The following CPPED1 variants were observed in gnomAD, a reference collection of about 807,000 sequenced individuals.
CPPED1 encodes the protein serine/threonine-protein phosphatase CPPED1.
Under a neutral mutation model 28.0 loss-of-function variants are expected in CPPED1, and 28 were observed. The ratio of observed to expected loss-of-function variants is 1.00; its 90% CI spans 0.74 to 1.37. The LOEUF (loss-of-function observed/expected upper bound fraction) is 1.37, where lower values mean the gene tolerates loss of function less well. CPPED1 is among the 40% of genes most tolerant of loss of function. The pLI is 0.00. For missense variants in CPPED1, 504 were observed against 416.5 expected (o/e 1.21, Z -1.83); for synonymous variants, 198 against 180.2 (o/e 1.10, Z -0.79).
chr16:12,678,147 C>T (rs1033566954), intron 3 of CPPED1, among the ~76,000 whole-genome samples: 2 of 152,140 alleles, frequency 1.3e-5, no homozygotes, highest in African/African-American at 4.8e-5. Flanking sequence ...AATCAAAAAA[C>T]AGTGACAACA....
At chr16:12,769,412 G>A (rs2080457443) in intron 2 of CPPED1, among the ~76,000 whole-genome samples, 1 of 152,128 alleles carries the variant, frequency 6.6e-6, no homozygotes, top group Non-Finnish European at 1.5e-5. Context: ...GGCACAAAAT[G>A]GGTTAAGACG....
At chr16:12,748,498 G>A (rs565065390) in intron 2 of CPPED1, among the ~76,000 whole-genome samples, 6 of 152,266 alleles carry the variant, frequency 3.9e-5, no homozygotes, top group African/African-American at 9.6e-5. Context: ...TCCAGGCCAC[G>A]ACAATAAAGT....
rs1239130995 is a variant in CPPED1 at position 12,664,987 on chromosome 16, C to T, written c.844G>A (p.Val282Met). Residue 282 changes from valine (V) to methionine (M), a missense_variant, in exon 4 of 4, where the codon GTG becomes ATG. Coordinates refer to ENST00000381774, the MANE Select transcript of CPPED1 (RefSeq NM_018340.3). This position sits in a 1 kb window ranked among gnomAD's most constrained non-coding sequence, Gnocchi z 4.2. ...GRDPHGLRVV[V>M]VTAEKIVHRY... Reference sequence around the variant, plus strand: ...TGAACAATTTTCTCGGCGGTGACCACCACGACTCGGAGCCCGTGGGGGTCT... The same window carrying T: ...TGAACAATTTTCTCGGCGGTGACCATCACGACTCGGAGCCCGTGGGGGTCT... 2 of 1,611,696 alleles carry T rather than the reference C, an allele frequency of 1.2e-6. No homozygotes were observed. The highest frequency in any genetic ancestry group is 2.2e-5 in the East Asian group (1 of 44,822).
chr16:12,696,917 G>C (rs2079993991), intron 3 of CPPED1, among the ~76,000 whole-genome samples: 1 of 152,050 alleles, frequency 6.6e-6, no homozygotes, highest in Admixed American at 6.6e-5. Flanking sequence ...CCATGTTATA[G>C]GACCCCCTGC....
intron 2 of CPPED1, among the ~76,000 whole-genome samples, chr16:12,767,643 C>A (rs561344494): frequency 5.9e-5 from 9 of 152,196 alleles, no homozygotes; most frequent in Non-Finnish European, 1.3e-4. Flanking sequence ...GAGCTCACAC[C>A]CAGGTAAAGA....
intron 1 of CPPED1, among the ~76,000 whole-genome samples, chr16:12,794,336 T>C (rs1423096645): frequency 6.6e-6 from 1 of 151,656 alleles, no homozygotes; most frequent in Admixed American, 6.6e-5. Flanking sequence ...CACTGTTGAA[T>C]CAGAAAGAAG....
intron 1 of CPPED1, among the ~76,000 whole-genome samples, chr16:12,798,132 A>T (rs1240914795): frequency 1.3e-5 from 2 of 151,970 alleles, no homozygotes; most frequent in Non-Finnish European, 2.9e-5. Context: ...AAAATGAAAA[A>T]CCCCGACATT....
intron 3 of CPPED1, among the ~76,000 whole-genome samples, chr16:12,668,204 T>C (rs1272147243): frequency 2.0e-5 from 3 of 152,276 alleles, no homozygotes; most frequent in South Asian, 2.1e-4. Context: ...ACTGAATGAA[T>C]TGCTTCAGCA....
At position 12,682,464 on chromosome 16, in the gene CPPED1, G is replaced by C. The variant is rs1024880767; in HGVS notation, c.716-17349C>G. ...TGTATTTTTTTAATACTAATATTTG[G>C]TTGTCAGAAAAGCAGTGGCAGCCTG... On this transcript the variant is annotated intron_variant, in intron 3 of 3. Coordinates refer to ENST00000381774, the MANE Select transcript of CPPED1 (RefSeq NM_018340.3). The surrounding 1 kb of genome is among the most constrained non-coding windows in gnomAD (Gnocchi z 6.1). Among the ~76,000 whole-genome samples, 1 of 152,084 alleles carries C rather than the reference G, an allele frequency of 6.6e-6. No homozygotes were observed. Among genetic ancestry groups the C allele is most frequent in the African/African-American group, 2.4e-5 (1 of 41,390 alleles).
In CPPED1 at chr16:12,734,458, C is replaced by A. The variant is rs149062010; in HGVS notation, c.290-29409G>T. 6.8e-3 allele frequency among the ~76,000 whole-genome samples: 1,037 copies of A among 152,106 alleles called. 58 individuals carry two copies. The East Asian group carries it at 0.13, about 20-fold the overall frequency. On this transcript the variant is annotated intron_variant, in intron 2 of 3. Transcript: ENST00000381774. ...GCAGTGGTGCTATCTCAGCTCACTG[C>A]AAGCTCCGCCTCCTGGGTTCACACC... is the stretch of plus-strand genomic sequence containing the variant.
At chr16:12,754,910 C>CTG (rs2141221596) in intron 2 of CPPED1, among the ~76,000 whole-genome samples, 1 of 152,192 alleles carries the variant, frequency 6.6e-6, no homozygotes, top group South Asian at 2.1e-4. Context: ...TATTCAGGAG[C>CTG]TGAGGTGGGA....
At chr16:12,765,049 T>A (rs1390549199) in intron 2 of CPPED1, among the ~76,000 whole-genome samples, 1 of 152,242 alleles carries the variant, frequency 6.6e-6, no homozygotes, top group Non-Finnish European at 1.5e-5. Context: ...CTGGGAACAC[T>A]GTGACCTAAG....
intron 1 of CPPED1, among the ~76,000 whole-genome samples, chr16:12,792,791 G>C (rs557543808): frequency 1.3e-5 from 2 of 152,260 alleles, no homozygotes; most frequent in South Asian, 4.2e-4. Context: ...TGTAAGACAT[G>C]CCTTTGCTCT....
At chr16:12,761,276 C>CAAAAAAAAAAA (rs55848318) in intron 2 of CPPED1, 1 of 69,378 alleles carries the variant, frequency 1.4e-5, no homozygotes, top group Non-Finnish European at 3.0e-5. Flanking sequence ...GACTCTGTCT[C>CAAAAAAAAAAA]AAAAAAAAAA....
chr16:12,727,509 C>T (rs2080176392), intron 2 of CPPED1, among the ~76,000 whole-genome samples: 1 of 152,132 alleles, frequency 6.6e-6, no homozygotes, highest in South Asian at 2.1e-4. Flanking sequence ...TATACCACCA[C>T]ATCTGGCTAA....
At chr16:12,716,162 C>T (rs2080106045) in intron 2 of CPPED1, among the ~76,000 whole-genome samples, 1 of 152,216 alleles carries the variant, frequency 6.6e-6, no homozygotes, top group African/African-American at 2.4e-5. Context: ...TTGTGAATGT[C>T]ACTGGACATG....
intron 3 of CPPED1, among the ~76,000 whole-genome samples, chr16:12,689,312 G>A (rs933016393): frequency 7.1e-6 from 1 of 141,558 alleles, no homozygotes; most frequent in East Asian, 2.1e-4. Context: ...TTGCAACCTC[G>A]AATTTATGGG....
At chr16:12,740,479 G>A (rs563887767) in intron 2 of CPPED1, among the ~76,000 whole-genome samples, 6 of 151,038 alleles carry the variant, frequency 4.0e-5, no homozygotes, top group East Asian at 3.9e-4. Flanking sequence ...TTAAAAACCC[G>A]TAGCCAAAAG....
chr16:12,780,996 C>T (rs759378212), intron 2 of CPPED1, 189 bp downstream of exon 2: 31 of 595,760 alleles, frequency 5.2e-5, no homozygotes, highest in Non-Finnish European at 8.6e-5. Context: ...TGATTAATCT[C>T]GCCAAACTCT....
Sources: allele counts gnomAD v4.1 joint callset (sites outside exome capture counted in the v4.1 genomes callset), GRCh38; gene constraint gnomAD v4.1.1; non-coding constraint Gnocchi (gnomAD v3.1); transcripts MANE v1.5; gene names NCBI Gene and HGNC (gene_info 2026-07-23, HGNC 2026-07-21).